NAV1: variants seen among roughly 807,000 people sequenced by gnomAD.
NAV1 encodes neuron navigator 1, also known as pore membrane and/or filament interacting like protein 3.
NAV1 carries 18 observed loss-of-function variants against 175.2 expected under a neutral mutation model. The ratio of observed to expected loss-of-function variants is 0.10; its 90% CI spans 0.07 to 0.15. The LOEUF (loss-of-function observed/expected upper bound fraction) is 0.15. Among genes scored for constraint, NAV1 ranks in the 10% least tolerant of loss-of-function variants. The pLI, the probability that NAV1 is intolerant of heterozygous loss-of-function variation, is 1.00. For synonymous variants in NAV1, 897 were observed against 978.7 expected (o/e 0.92, Z 1.56); for missense variants, 1,731 against 2,436.6 (o/e 0.71, Z 6.10).
At chr1:201,588,116 A>G (rs968290205) in intron 1 of NAV1, among the ~76,000 whole-genome samples, 2 of 152,248 alleles carry the variant, frequency 1.3e-5, no homozygotes, top group Admixed American at 6.5e-5. Context: ...TATGTACACA[A>G]ATGTTCATAG....
intron 7 of NAV1, 96 bp from the exon 12 acceptor site, chr1:201,785,214 G>A: frequency 7.5e-7 from 1 of 1,331,734 alleles, no homozygotes; most frequent in Non-Finnish European, 1.0e-6. Flanking sequence ...TCTAGGGTCT[G>A]CATACCTCAC....
chr1:201,680,971 C>T (rs1670442769), intron 1 of NAV1, among the ~76,000 whole-genome samples: 1 of 152,112 alleles, frequency 6.6e-6, no homozygotes, highest in African/African-American at 2.4e-5. Flanking sequence ...TTGCTTCTGC[C>T]TCTGAAATAT....
At chr1:201,716,383 G>C (rs34350916) in intron 2 of NAV1, among the ~76,000 whole-genome samples, 15,587 of 152,288 alleles carry the variant, frequency 0.1, 1,071 homozygotes, top group Non-Finnish European at 0.15. Flanking sequence ...TAGAGCACCA[G>C]CTCTAGGCCA....
chr1:201,564,927 C>T (rs903721563), intron 1 of NAV1, among the ~76,000 whole-genome samples: 1 of 152,206 alleles, frequency 6.6e-6, no homozygotes, highest in Non-Finnish European at 1.5e-5. Flanking sequence ...CATCTCGCTG[C>T]TTCTCTGCAG....
In NAV1 at chr1:201,799,224, A is replaced by G. The variant is rs190132268; in HGVS notation, c.3518-4369A>G. Reference sequence around the variant, plus strand: ...GAGAGAGAGAGAAAGCAAATAAAACAAAATATTAACAATTGTTGAATTAGG... The same window carrying G: ...GAGAGAGAGAGAAAGCAAATAAAACGAAATATTAACAATTGTTGAATTAGG... On this transcript the variant is annotated intron_variant, in intron 15 of 29. Transcript: ENST00000367296. Among the ~76,000 whole-genome samples the G allele has an allele frequency of 1.4e-3, 217 of 151,748 alleles. 1 individual carries two copies. Among genetic ancestry groups the G allele is most frequent in the African/African-American group, 5.1e-3 (208 of 41,098 alleles).
chr1:201,817,444 C>G (rs1679117156), intron 29 of NAV1, 159 bp downstream of exon 33: 1 of 631,162 alleles, frequency 1.6e-6, no homozygotes, highest in Non-Finnish European at 2.7e-6. Flanking sequence ...GAGACCCTGT[C>G]TGTATTTCAA....
At chr1:201,705,121 C>T (rs1416163408) in intron 1 of NAV1, among the ~76,000 whole-genome samples, 1 of 152,192 alleles carries the variant, frequency 6.6e-6, no homozygotes, top group Non-Finnish European at 1.5e-5. Flanking sequence ...CCCTCACCCT[C>T]TTTACGTGTT....
chr1:201,639,012 C>A (rs572254741), intron 2 of NAV1, among the ~76,000 whole-genome samples: 1 of 152,104 alleles, frequency 6.6e-6, no homozygotes, highest in Admixed American at 6.5e-5. Flanking sequence ...AAAGGCAGAG[C>A]GGTGTGCGAT....
intron 3 of NAV1, among the ~76,000 whole-genome samples, chr1:201,738,517 C>T (rs879309202): frequency 2.6e-5 from 4 of 152,046 alleles, no homozygotes; most frequent in Non-Finnish European, 5.9e-5. Flanking sequence ...GTGCATTGAC[C>T]TGTGGGCCGA....
At chr1:201,790,922 GA>G in intron 13 of NAV1, 156 bp downstream of exon 17, 1 of 674,026 alleles carries the variant, frequency 1.5e-6, no homozygotes, top group South Asian at 1.9e-5. Context: ...AAGACGAGGG[GA>G]TTGTTCTTCC....
chr1:201,751,878 A>T (rs898258596), intron 3 of NAV1, among the ~76,000 whole-genome samples: 7 of 152,192 alleles, frequency 4.6e-5, no homozygotes, highest in Non-Finnish European at 7.4e-5. Context: ...TCTTTACTTC[A>T]TCCAGTTATT....
At chr1:201,672,909 T>G (rs1249865946) in intron 1 of NAV1, among the ~76,000 whole-genome samples, 1 of 152,180 alleles carries the variant, frequency 6.6e-6, no homozygotes, top group Non-Finnish European at 1.5e-5. Flanking sequence ...CATAGACTGA[T>G]GGCGATGCCA....
intron 3 of NAV1, among the ~76,000 whole-genome samples, chr1:201,720,932 T>C (rs1275533310): frequency 6.6e-6 from 1 of 151,922 alleles, no homozygotes. Flanking sequence ...AGCTGGTCAA[T>C]CCCAGGGGCA....
intron 3 of NAV1, among the ~76,000 whole-genome samples, chr1:201,730,714 C>T (rs1318277531): frequency 6.6e-6 from 1 of 152,216 alleles, no homozygotes; most frequent in Non-Finnish European, 1.5e-5. Flanking sequence ...TGGCCACAGT[C>T]AGGAATTCTG....
intron 4 of NAV1, 151 bp downstream of exon 8, chr1:201,780,710 C>G: frequency 9.4e-7 from 1 of 1,060,644 alleles, no homozygotes; most frequent in Non-Finnish European, 1.3e-6. Context: ...TTGCCCCCAC[C>G]CCCTCCCAAA....
At position 201,670,408 on chromosome 1, in the gene NAV1, A is replaced by T. The variant is rs950369776; in HGVS notation, c.757+20983A>T. 1.3e-3 allele frequency among the ~76,000 whole-genome samples: 193 copies of T among 148,712 alleles called. 2 individuals are homozygous for T. Among genetic ancestry groups the T allele is most frequent in the African/African-American group, 4.4e-3 (180 of 40,480 alleles). On this transcript the variant is annotated intron_variant, in intron 1 of 29. Transcript: ENST00000367296. The stretch of plus-strand genomic sequence containing the variant: ...AAAAAAAAAAAAAAAAAAAAAAAAA[A>T]GGTAAGCTCATCTCAGCTGTACTTA...
intron 3 of NAV1, among the ~76,000 whole-genome samples, chr1:201,728,603 A>G (rs1672714011): frequency 1.3e-5 from 2 of 150,984 alleles, no homozygotes; most frequent in Non-Finnish European, 1.5e-5. Flanking sequence ...GCAAAACAAA[A>G]AAAAAAAAAA....
chr1:201,725,783 A>G (rs1274397191), intron 3 of NAV1, among the ~76,000 whole-genome samples: 1 of 151,902 alleles, frequency 6.6e-6, no homozygotes, highest in African/African-American at 2.4e-5. Flanking sequence ...ATAGCAAGAC[A>G]CTGTTTCTAC....
chr1:201,780,681 T>C, intron 4 of NAV1, 122 bp downstream of exon 8: 1 of 1,319,042 alleles, frequency 7.6e-7, no homozygotes, highest in Non-Finnish European at 1.0e-6. Context: ...CATAGGCCTT[T>C]GGCCAGGTCA....
Sources: gnomAD v4.1 joint callset for allele counts (sites outside exome capture counted in the v4.1 genomes callset) on GRCh38, gnomAD v4.1.1 for gene constraint, MANE v1.5 for transcripts, NCBI Gene and HGNC (gene_info 2026-07-23, HGNC 2026-07-21) for gene names.